The following AP1S3 variants were observed in gnomAD, a reference collection of about 807,000 sequenced individuals.
The protein encoded by AP1S3 is adaptor related protein complex 1 subunit sigma 3.
A neutral mutation model predicts 20.9 loss-of-function variants in AP1S3; 10 were observed. The ratio of observed to expected loss-of-function variants is 0.48; its 90% CI spans 0.29 to 0.81. The LOEUF (loss-of-function observed/expected upper bound fraction) is 0.81. AP1S3 is among the 30% of genes least tolerant of loss of function. The pLI, the probability that AP1S3 is intolerant of heterozygous loss-of-function variation, is 0.08. For missense variants in AP1S3, 154 were observed against 183.8 expected (o/e 0.84, Z 0.94); for synonymous variants, 41 against 61.5 (o/e 0.67, Z 1.56).
chr2:223,812,515 C>A (rs1276556908), intron 1 of AP1S3, among the ~76,000 whole-genome samples: 1 of 152,204 alleles, frequency 6.6e-6, no homozygotes, highest in Non-Finnish European at 1.5e-5. Flanking sequence ...AGCCACCGTG[C>A]CCAGCCAGCA....
chr2:223,770,767 A>G (rs59469374), intron 3 of AP1S3, among the ~76,000 whole-genome samples: 35,768 of 137,174 alleles, frequency 0.26, 7,473 homozygotes, highest in East Asian at 0.59. Flanking sequence ...TTACTCCGTC[A>G]CCCAGGCTGG....
At chr2:223,820,706 G>A (rs916226577) in intron 1 of AP1S3, among the ~76,000 whole-genome samples, 3 of 149,580 alleles carry the variant, frequency 2.0e-5, no homozygotes, top group African/African-American at 7.4e-5. Flanking sequence ...TTCCTGGACT[G>A]CCCTCCAGAC....
At chr2:223,806,226 A>G (rs553495554) in intron 1 of AP1S3, among the ~76,000 whole-genome samples, 25 of 152,078 alleles carry the variant, frequency 1.6e-4, no homozygotes, top group African/African-American at 6.0e-4. Flanking sequence ...ATGCAAATGC[A>G]TGCCATGTGA....
intron 1 of AP1S3, among the ~76,000 whole-genome samples, chr2:223,794,862 C>T (rs1006043396): frequency 1.3e-5 from 2 of 152,130 alleles, no homozygotes; most frequent in African/African-American, 4.8e-5. Context: ...AAAGGAGGGA[C>T]GTTCACTGTT....
At chr2:223,763,820 A>G (rs1690416450) in intron 4 of AP1S3, among the ~76,000 whole-genome samples, 1 of 152,234 alleles carries the variant, frequency 6.6e-6, no homozygotes, top group African/African-American at 2.4e-5. Flanking sequence ...AAGATGCACC[A>G]AAACAGTTGC....
chr2:223,763,848 T>C (rs1240651110), intron 4 of AP1S3, among the ~76,000 whole-genome samples: 2 of 152,218 alleles, frequency 1.3e-5, no homozygotes, highest in East Asian at 3.8e-4. Flanking sequence ...TCACACCTAA[T>C]GGTGTTTTGT....
At chr2:223,819,145 C>T (rs1559144502) in intron 1 of AP1S3, among the ~76,000 whole-genome samples, 1 of 152,162 alleles carries the variant, frequency 6.6e-6, no homozygotes, top group African/African-American at 2.4e-5. Context: ...TTCCATCTCC[C>T]TACATGAAAG....
At chr2:223,829,670 T>A (rs779205330) in intron 1 of AP1S3, among the ~76,000 whole-genome samples, 8 of 150,002 alleles carry the variant, frequency 5.3e-5, no homozygotes, top group Non-Finnish European at 1.0e-4. Context: ...AAACTCCATC[T>A]CAAAAAAAAG....
intron 1 of AP1S3, among the ~76,000 whole-genome samples, chr2:223,836,337 T>C (rs1692392788): frequency 6.6e-6 from 1 of 152,170 alleles, no homozygotes; most frequent in Non-Finnish European, 1.5e-5. Flanking sequence ...TCCACCCAAG[T>C]GCAGGTCACC....
intron 4 of AP1S3, among the ~76,000 whole-genome samples, chr2:223,763,190 G>A (rs1690401190): frequency 6.6e-6 from 1 of 152,058 alleles, no homozygotes; most frequent in Non-Finnish European, 1.5e-5. Context: ...GGGACACCAG[G>A]GCTAAATGCA....
At chr2:223,772,004 G>A (rs963647654) in intron 3 of AP1S3, among the ~76,000 whole-genome samples, 1 of 152,196 alleles carries the variant, frequency 6.6e-6, no homozygotes, top group South Asian at 2.1e-4. Context: ...CTACTAGGGA[G>A]GCTGAGGTAG....
chr2:223,773,492 A>G (rs1559278027), intron 3 of AP1S3: 1 of 881,346 alleles, frequency 1.1e-6, no homozygotes, highest in African/African-American at 1.8e-5. Context: ...TTGGTATACC[A>G]AGAGGAGAAA....
rs1690261245 is a variant in AP1S3, at chr2:223,757,958, T to C, written c.*757A>G. The C allele has an allele frequency of 4.1e-6, 4 of 964,778 alleles. No homozygotes were observed. The Admixed American group carries it at 1.8e-4, about 45-fold the overall frequency. 59.8% of individuals were successfully genotyped at this position (964,778 alleles called of 1,614,324 possible). A position where few individuals can be genotyped will look rare whatever the true frequency, so the allele number is the denominator to read the frequency against. On this transcript the variant is annotated 3_prime_UTR_variant, in exon 5 of 5. Coordinates refer to ENST00000396654, the MANE Select transcript of AP1S3 (RefSeq NM_001039569.2). ...TATTTTAGAATAATAAAGGAAGTCA[T>C]AGATGCTGTATCTCTAGGTCTCTAT...
intron 3 of AP1S3, among the ~76,000 whole-genome samples, chr2:223,766,531 C>T (rs865990078): frequency 2.6e-5 from 4 of 152,230 alleles, no homozygotes; most frequent in South Asian, 2.1e-4. Context: ...GTTAGAATGG[C>T]GATCATTAAA....
chr2:223,771,810 TATAAA>T lies in AP1S3; in HGVS notation c.291+4086_291+4090del, dbSNP rs536732229. On this transcript the variant is annotated intron_variant, in intron 3 of 4. Transcript: ENST00000396654. ...ACTATATAACTACCATAAAGCTATA[TATAAA>T]ATAAGAATAGGCCGGGCACAGTGGC... 4.6e-5 allele frequency among the ~76,000 whole-genome samples: 7 copies of T among 152,320 alleles called. No individual in the cohort carries two copies. The East Asian group carries it at 1.4e-3, about 29-fold the overall frequency.
Position 223,832,807 on chromosome 2 carries a change from C to CT in AP1S3, c.3+4640dup, listed in dbSNP as rs66947467. ...AACAAAGGAATTTTTTTTCTTTTTT[C>CT]TTTTTTTTTTTTTTTTTTAGGAGAA... On this transcript the variant is annotated intron_variant, in intron 1 of 4. Transcript: ENST00000396654. Among the ~76,000 whole-genome samples, 1,233 of 129,916 alleles carry CT rather than the reference C, an allele frequency of 9.5e-3. 16 individuals carry two copies. Among genetic ancestry groups the CT allele is most frequent in the African/African-American group, 0.031 (1,105 of 35,378 alleles). 85.2% of individuals were successfully genotyped at this position (129,916 alleles called of 152,430 possible). A position where few individuals can be genotyped will look rare whatever the true frequency, so the allele number is the denominator to read the frequency against.
intron 4 of AP1S3, among the ~76,000 whole-genome samples, chr2:223,762,268 A>AT (rs57119521): frequency 0.35 from 36,981 of 105,162 alleles, 9,004 homozygotes; most frequent in South Asian, 0.55. Flanking sequence ...GTGCCCAGCA[A>AT]TTTTTTTTTT....
chr2:223,833,825 G>A lies in AP1S3; in HGVS notation c.3+3623C>T, dbSNP rs561014450. Among the ~76,000 whole-genome samples, 8 of 152,304 alleles carry A rather than the reference G, an allele frequency of 5.3e-5. No individual in the cohort carries two copies. The East Asian group carries it at 1.3e-3, about 26-fold the overall frequency. ...GCGCCTTCACACGCATTCACTTATG[G>A]TACCTGTTAAACTCCGGGACAGTGA... On this transcript the variant is annotated intron_variant, in intron 1 of 4. Transcript: ENST00000396654.
intron 1 of AP1S3, among the ~76,000 whole-genome samples, chr2:223,789,483 T>C (rs1026736791): frequency 2.6e-5 from 4 of 151,604 alleles, no homozygotes; most frequent in Non-Finnish European, 5.9e-5. Context: ...GCCAGCCTTA[T>C]AGCAAGATCC....
Sources: allele counts gnomAD v4.1 joint callset (sites outside exome capture counted in the v4.1 genomes callset), GRCh38; gene constraint gnomAD v4.1.1; transcripts MANE v1.5; gene names NCBI Gene and HGNC (gene_info 2026-07-23, HGNC 2026-07-21).